Variants in JUP observed in about 807,000 individuals in gnomAD.
The protein encoded by JUP is junction plakoglobin.
Under a neutral mutation model 71.1 loss-of-function variants are expected in JUP, and 28 were observed. The ratio of observed to expected loss-of-function variants is 0.39; its 90% CI spans 0.29 to 0.54. JUP has a LOEUF of 0.54. Ranked by LOEUF, JUP falls within the 20% of genes least tolerant of loss-of-function variation. The pLI, the probability that JUP is intolerant of heterozygous loss-of-function variation, is 0.62. For missense variants in JUP, 869 were observed against 1,030.1 expected, an observed-to-expected ratio of 0.84 and a Z score of 2.14; for synonymous variants, 401 against 438.9, an observed-to-expected ratio of 0.91 and a Z score of 1.08.
chr17:41,755,424 G>A lies in JUP; in HGVS notation c.*320C>T. ...CTGCACGGAGAGCCTCTCAGATGAGGAACCGCACCTGTTAGGGGAGCGGGG... is the reference window on the plus strand; with the variant it reads ...CTGCACGGAGAGCCTCTCAGATGAGAAACCGCACCTGTTAGGGGAGCGGGG... On this transcript the variant is annotated 3_prime_UTR_variant, in exon 14 of 14. Transcript: ENST00000393931. 1 of 414,652 alleles carries A rather than the reference G, an allele frequency of 2.4e-6. No homozygotes were observed. The highest frequency in any genetic ancestry group is 4.2e-6 in the Non-Finnish European group (1 of 235,380). 25.7% of individuals were successfully genotyped at this position (414,652 alleles called of 1,614,324 possible). A position where few individuals can be genotyped will look rare whatever the true frequency, so the allele number is the denominator to read the frequency against.
chr17:41,761,226 G>A (rs1450630002), intron 8 of JUP, among the ~76,000 whole-genome samples: 1 of 152,174 alleles, frequency 6.6e-6, no homozygotes, highest in African/African-American at 2.4e-5. Context: ...TCTGTGCCCT[G>A]TGTCTCTGTA....
chr17:41,781,184 C>CA (rs781830763), intron 1 of JUP, among the ~76,000 whole-genome samples: 2,046 of 61,172 alleles, frequency 0.033, 48 homozygotes, highest in East Asian at 0.13. Flanking sequence ...GACTCCGTCT[C>CA]AAAAAAAAAA....
At chr17:41,765,922 C>T (rs369478220) in intron 5 of JUP, among the ~76,000 whole-genome samples, 3 of 152,142 alleles carry the variant, frequency 2.0e-5, no homozygotes, top group East Asian at 1.9e-4. Flanking sequence ...AATCTAAATA[C>T]CCTCCCTCAG....
Position 41,755,444 on chromosome 17 carries a change from G to A in JUP, c.*300C>T, listed in dbSNP as rs1555597121. On this transcript the variant is annotated 3_prime_UTR_variant, in exon 14 of 14. Transcript: ENST00000393931. ...ATGAGGAACCGCACCTGTTAGGGGA[G>A]CGGGGACAGACAGGGGTCAGGGGCT... The A allele has an allele frequency of 4.7e-6, 2 of 424,814 alleles. No individual in the cohort carries two copies. The allele number at this position is 424,814 out of a possible 1,614,324, so 26.3% of individuals were successfully genotyped here.
intron 5 of JUP, among the ~76,000 whole-genome samples, chr17:41,766,823 C>T (rs1194326212): frequency 1.3e-5 from 2 of 150,758 alleles, no homozygotes; most frequent in African/African-American, 4.9e-5. Flanking sequence ...CCATTGCACT[C>T]CTGCCTGGGC....
chr17:41,757,751 C>A lies in JUP; in HGVS notation c.1807G>T (p.Val603Leu), dbSNP rs200327969. 354 of 1,612,190 alleles carry A rather than the reference C, an allele frequency of 2.2e-4. 2 individuals are homozygous for A. In the East Asian group the frequency reaches 3.2e-3, roughly 15 times the overall value. ...AGCTCACACAGCACCCCGGCAGCCACGCGCTGGATGTTCTCCACCGACGAG... is the reference window on the plus strand; with the variant it reads ...AGCTCACACAGCACCCCGGCAGCCAAGCGCTGGATGTTCTCCACCGACGAG... ...LYSSVENIQRVAAGVLCELAQ... is the reference protein window; with the variant it reads ...LYSSVENIQRLAAGVLCELAQ... The change falls in exon 11 of 14, where the codon GTG (valine) becomes TTG (leucine). Residue 603 changes from valine (V) to leucine (L), a missense_variant. Transcript: ENST00000393931.
At chr17:41,756,328 C>T (rs1200744326) in intron 12 of JUP, 114 bp from the exon 13 acceptor site, 3 of 1,069,820 alleles carry the variant, frequency 2.8e-6, no homozygotes, top group African/African-American at 3.1e-5. Flanking sequence ...GGCTGGGTGC[C>T]ATGGCTCACG....
chr17:41,776,955 G>A (rs1227003567), intron 1 of JUP, among the ~76,000 whole-genome samples: 4 of 152,172 alleles, frequency 2.6e-5, no homozygotes, highest in Non-Finnish European at 4.4e-5. Flanking sequence ...GCAGTGAGCC[G>A]AGATCGCACC....
intron 1 of JUP, among the ~76,000 whole-genome samples, chr17:41,782,062 G>A (rs372331065): frequency 9.7e-4 from 148 of 152,284 alleles, no homozygotes; most frequent in Admixed American, 1.4e-3. Flanking sequence ...ATCCAGAAGC[G>A]CGGTAGTGAC....
intron 4 of JUP, among the ~76,000 whole-genome samples, chr17:41,767,939 C>T (rs1161301639): frequency 6.6e-6 from 1 of 152,150 alleles, no homozygotes; most frequent in Non-Finnish European, 1.5e-5. Flanking sequence ...TCAGTGTCTC[C>T]CCTTCAGGGA....
chr17:41,763,793 C>A (rs1555602698), intron 7 of JUP, among the ~76,000 whole-genome samples: 2 of 152,196 alleles, frequency 1.3e-5, no homozygotes, highest in Non-Finnish European at 2.9e-5. Flanking sequence ...GCCCCACCAC[C>A]CTGGGGCCCT....
At chr17:41,762,895 G>A (rs1403550931) in intron 8 of JUP, 88 bp downstream of exon 8, 42 of 1,079,328 alleles carry the variant, frequency 3.9e-5, no homozygotes, top group Non-Finnish European at 2.5e-5. Flanking sequence ...CTGTATTTAG[G>A]GCTTCTTTGC....
intron 8 of JUP, among the ~76,000 whole-genome samples, chr17:41,762,173 GAGAGTGT>G (rs1914982990): frequency 2.0e-5 from 1 of 49,852 alleles, no homozygotes; most frequent in Non-Finnish European, 4.6e-5. Flanking sequence ...GAGAGAGAGA[GAGAGTGT>G]GTGTGTGTGT....
chr17:41,774,077 C>A (rs1231834833), intron 1 of JUP, among the ~76,000 whole-genome samples: 1 of 152,086 alleles, frequency 6.6e-6, no homozygotes, highest in South Asian at 2.1e-4. Context: ...AAGGGTCACC[C>A]CTTGCCGGCC....
chr17:41,772,607 G>A (rs1402713266), intron 1 of JUP, among the ~76,000 whole-genome samples: 5 of 152,094 alleles, frequency 3.3e-5, no homozygotes, highest in Admixed American at 1.3e-4. Flanking sequence ...GCGGGGTCAC[G>A]CCACCTCCCT....
rs1060502678 is a variant in JUP, at chr17:41,757,685, C to G, written c.1873G>C (p.Gly625Arg). ...KEAADAIDAE[G>R]ASAPLMELLH... is the part of the protein sequence containing the mutation. ...AACTCCATGAGTGGGGCCGAGGCCC[C>G]CTCTGCATCAATGGCGTCGGCCGCC... Residue 625 changes from glycine (G) to arginine (R), a missense_variant, in exon 11 of 14, where the codon GGG (glycine) becomes CGG (arginine). Gly to Arg is a moderately radical substitution (Grantham distance 125, BLOSUM62 -2). Coordinates refer to ENST00000393931, the MANE Select transcript of JUP (RefSeq NM_002230.4). The G allele has an allele frequency of 1.9e-6, 3 of 1,613,568 alleles. No individual in the cohort carries two copies. The Admixed American group carries it at 5.0e-5, about 27-fold the overall frequency.
intron 7 of JUP, among the ~76,000 whole-genome samples, 181 bp downstream of exon 7, chr17:41,764,532 C>CA (rs1190004455): frequency 1.1e-4 from 1 of 9,040 alleles, no homozygotes; most frequent in Non-Finnish European, 2.2e-4. Flanking sequence ...GAGACTCCGT[C>CA]AGAAAAAAAA....
At chr17:41,774,824 C>T (rs1389344629) in intron 1 of JUP, among the ~76,000 whole-genome samples, 1 of 151,738 alleles carries the variant, frequency 6.6e-6, no homozygotes, top group Non-Finnish European at 1.5e-5. Context: ...GTCCCAGGTT[C>T]GGGTGCGGTG....
In JUP at chr17:41,757,650, G is replaced by A. The variant is rs782122765; in HGVS notation, c.1908C>T (p.Ser636=). The change falls in exon 11 of 14, where the codon TCC becomes TCT. Residue 636 remains serine (S), a synonymous_variant. Transcript: ENST00000393931. ...ASAPLMELLH[S]RNEGTATYAA... ...CCAGCTCACCAGTGCCCTCGTTGCG[G>A]GAGTGCAGCAACTCCATGAGTGGGG... is the stretch of plus-strand genomic sequence containing the variant. The A allele has an allele frequency of 1.1e-5, 18 of 1,613,580 alleles. No individual in the cohort carries two copies. The Admixed American group carries it at 1.5e-4, about 13-fold the overall frequency.
Sources: gnomAD v4.1 joint callset for allele counts (sites outside exome capture counted in the v4.1 genomes callset) on GRCh38, gnomAD v4.1.1 for gene constraint, MANE v1.5 for transcripts, NCBI Gene and HGNC (gene_info 2026-07-23, HGNC 2026-07-21) for gene names.